The following CDH19 variants were observed in gnomAD, a reference collection of about 807,000 sequenced individuals.
CDH19 encodes the protein cadherin 19, also known as cadherin-19.
Under a neutral mutation model 64.2 loss-of-function variants are expected in CDH19, and 67 were observed. The observed-to-expected ratio is 1.04, with a 90% CI of 0.86 to 1.28. The LOEUF is 1.28. Ranked by LOEUF, CDH19 falls within the 50% of genes most tolerant of loss-of-function variation. CDH19 has a pLI of 0.00. For missense variants in CDH19, 1,030 were observed against 929.0 expected (o/e 1.11, Z -1.41); for synonymous variants, 346 against 319.3 (o/e 1.08, Z -0.89).
chr18:66,545,141 G>T (rs1987059441), intron 5 of CDH19, among the ~76,000 whole-genome samples: 1 of 151,788 alleles, frequency 6.6e-6, no homozygotes, highest in South Asian at 2.1e-4. Context: ...ACCACGCCCG[G>T]CTAATTTTTT....
At chr18:66,562,195 T>A (rs1463022996) in intron 3 of CDH19, among the ~76,000 whole-genome samples, 1 of 151,832 alleles carries the variant, frequency 6.6e-6, no homozygotes, top group Non-Finnish European at 1.5e-5. Context: ...GCACTTTATT[T>A]CTACTATTAC....
intron 9 of CDH19, among the ~76,000 whole-genome samples, chr18:66,521,553 T>C (rs930884050): frequency 3.0e-4 from 46 of 151,916 alleles, no homozygotes; most frequent in Middle Eastern, 3.4e-3. Flanking sequence ...GTTTATTTGT[T>C]TTTGAGACAT....
intron 3 of CDH19, among the ~76,000 whole-genome samples, chr18:66,564,900 AAAACTAGC>A (rs1987852972): frequency 6.6e-6 from 1 of 151,180 alleles, no homozygotes; most frequent in Non-Finnish European, 1.5e-5. Context: ...GGTTTTAGGT[AAAACTAGC>A]AAATATTACT....
At chr18:66,573,979 T>C (rs925982573) in intron 1 of CDH19, among the ~76,000 whole-genome samples, 6 of 151,378 alleles carry the variant, frequency 4.0e-5, no homozygotes, top group East Asian at 1.9e-4. Context: ...AGCTTAAAAT[T>C]AAGAAAAAAT....
chr18:66,529,248 C>G (rs180988123), intron 9 of CDH19, among the ~76,000 whole-genome samples: 1 of 151,052 alleles, frequency 6.6e-6, no homozygotes, highest in African/African-American at 2.4e-5. Flanking sequence ...AGCAATTAAA[C>G]GCTACGAAAA....
chr18:66,595,399 T>C (rs549376556), intron 1 of CDH19, among the ~76,000 whole-genome samples: 1 of 150,920 alleles, frequency 6.6e-6, no homozygotes, highest in South Asian at 2.1e-4. Flanking sequence ...AAAGTTGTTC[T>C]TTGAAAGAAT....
intron 7 of CDH19, among the ~76,000 whole-genome samples, chr18:66,541,904 A>G (rs1986901058): frequency 6.6e-6 from 1 of 152,160 alleles, no homozygotes; most frequent in African/African-American, 2.4e-5. Context: ...ATATATATGT[A>G]GCATTTTCAC....
At chr18:66,565,955 C>T (rs1354562393) in intron 3 of CDH19, among the ~76,000 whole-genome samples, 1 of 151,964 alleles carries the variant, frequency 6.6e-6, no homozygotes, top group East Asian at 1.9e-4. Flanking sequence ...GTACCTCTAT[C>T]TCAAATTGCA....
Position 66,568,498 on chromosome 18 carries a change from G to T in CDH19, c.408C>A (p.Ile136=). The change falls in exon 3 of 12, where the codon ATC becomes ATA. Residue 136 remains isoleucine, a synonymous_variant. Transcript: ENST00000262150. ...RAVEPESEFV[I]KVSDINDNEP... The stretch of plus-strand genomic sequence containing the variant: ...CATTGTCATTGATATCCGAAACTTT[G>T]ATGACAAACTCAGACTCAGGTTCCA... The T allele has an allele frequency of 1.2e-6, 2 of 1,612,180 alleles. No individual in the cohort carries two copies.
intron 8 of CDH19, among the ~76,000 whole-genome samples, chr18:66,531,099 T>C (rs548644585): frequency 2.0e-5 from 3 of 152,278 alleles, no homozygotes; most frequent in East Asian, 1.9e-4. Flanking sequence ...AAACCGACTC[T>C]AGCAATGGAT....
At chr18:66,599,723 T>C (rs1201661200) in intron 1 of CDH19, among the ~76,000 whole-genome samples, 3 of 152,064 alleles carry the variant, frequency 2.0e-5, no homozygotes, top group African/African-American at 7.2e-5. Flanking sequence ...AAACATCCTA[T>C]AAACAGATTA....
intron 1 of CDH19, among the ~76,000 whole-genome samples, chr18:66,591,098 A>T (rs1988730451): frequency 6.6e-6 from 1 of 151,984 alleles, no homozygotes; most frequent in Non-Finnish European, 1.5e-5. Flanking sequence ...ACACTAGTCA[A>T]GATTCTTAAA....
At chr18:66,568,899 A>G (rs573919292) in intron 2 of CDH19, among the ~76,000 whole-genome samples, 189 bp from the exon 3 acceptor site, 1 of 151,936 alleles carries the variant, frequency 6.6e-6, no homozygotes, top group Admixed American at 6.6e-5. Flanking sequence ...AGGAAGAGTG[A>G]ATATTTAGTG....
chr18:66,601,299 T>C (rs1989032722), intron 1 of CDH19, among the ~76,000 whole-genome samples: 2 of 151,912 alleles, frequency 1.3e-5, no homozygotes. Context: ...GATGTATTTA[T>C]GATTTGCTCA....
intron 9 of CDH19, among the ~76,000 whole-genome samples, chr18:66,524,460 C>T (rs1213504227): frequency 6.7e-6 from 1 of 149,650 alleles, no homozygotes. Context: ...GTGTTCTCTC[C>T]ACAAAAAACA....
intron 9 of CDH19, 34 bp from the exon 10 acceptor site, chr18:66,511,719 T>C (rs938805778): frequency 1.0e-6 from 1 of 1,002,740 alleles, no homozygotes; most frequent in South Asian, 1.3e-5. Flanking sequence ...TTTGTTGTTG[T>C]TTGGATTCAG....
intron 1 of CDH19, among the ~76,000 whole-genome samples, chr18:66,576,834 A>G (rs1988281123): frequency 6.6e-6 from 1 of 151,726 alleles, no homozygotes; most frequent in African/African-American, 2.4e-5. Context: ...AATCTATAAA[A>G]ATACTGGTAA....
Position 66,553,111 on chromosome 18 carries a change from A to G in CDH19, c.610+1294T>C, listed in dbSNP as rs996622190. Among the ~76,000 whole-genome samples, 5 of 134,626 alleles carry G rather than the reference A, an allele frequency of 3.7e-5. 1 individual carries two copies. Among genetic ancestry groups the G allele is most frequent in the African/African-American group, 6.9e-5 (2 of 29,152 alleles). The allele number at this position is 134,626 out of a possible 152,430, so 88.3% of individuals were successfully genotyped here. A position where few individuals can be genotyped will look rare whatever the true frequency, so the allele number is the denominator to read the frequency against. The stretch of plus-strand genomic sequence containing the variant: ...CACTGAAACTTTTTGGTTTTACTTC[A>G]TAAGTACCTACAGTGGAATGTATGT... On this transcript the variant is annotated intron_variant, in intron 4 of 11. Transcript: ENST00000262150.
intron 1 of CDH19, among the ~76,000 whole-genome samples, chr18:66,585,091 T>C (rs144842014): frequency 5.9e-5 from 9 of 152,128 alleles, no homozygotes; most frequent in Non-Finnish European, 1.3e-4. Flanking sequence ...ATTAAAAAAT[T>C]TATGTCAACA....
Sources: allele counts gnomAD v4.1 joint callset (sites outside exome capture counted in the v4.1 genomes callset), GRCh38; gene constraint gnomAD v4.1.1; transcripts MANE v1.5; gene names NCBI Gene and HGNC (gene_info 2026-07-23, HGNC 2026-07-21).